FOCAD: variants seen among roughly 807,000 people sequenced by gnomAD.
FOCAD encodes focadhesin, also known as KIAA1797.
In FOCAD, 198 loss-of-function variants were observed where a neutral mutation model predicts 225.6. That is an observed-to-expected ratio of 0.88 (90% CI 0.78 to 0.99). The LOEUF is 0.99. Ranked by LOEUF, FOCAD falls within the 50% of genes least tolerant of loss-of-function variation. The pLI is 0.00. For missense variants in FOCAD, 2,713 were observed against 2,123.6 expected, an observed-to-expected ratio of 1.28 and a Z score of -5.46; for synonymous variants, 897 against 755.0, an observed-to-expected ratio of 1.19 and a Z score of -3.08.
At chr9:20,926,797 AG>A in intron 26 of FOCAD, among the ~76,000 whole-genome samples, 1 of 151,526 alleles carries the variant, frequency 6.6e-6, no homozygotes, top group African/African-American at 2.4e-5. Flanking sequence ...AAAAAAAAAA[AG>A]AAAAAGAAAA....
chr9:20,896,332 T>C (rs1832084835), intron 21 of FOCAD, among the ~76,000 whole-genome samples: 1 of 151,928 alleles, frequency 6.6e-6, no homozygotes, highest in Non-Finnish European at 1.5e-5. Flanking sequence ...TTCTTGTTAA[T>C]ACCTTTGTCT....
chr9:20,703,445 C>G (rs1196425081), intron 1 of FOCAD, among the ~76,000 whole-genome samples: 2 of 151,902 alleles, frequency 1.3e-5, no homozygotes, highest in Non-Finnish European at 2.9e-5. Context: ...CAGTGGGGAG[C>G]CATTGAAAAG....
intron 39 of FOCAD, among the ~76,000 whole-genome samples, chr9:20,985,098 G>A (rs886909815): frequency 6.6e-6 from 1 of 152,140 alleles, no homozygotes; most frequent in African/African-American, 2.4e-5. Context: ...CACCATGCCC[G>A]GCCAGCAACT....
intron 42 of FOCAD, among the ~76,000 whole-genome samples, chr9:20,992,330 T>C (rs1290832686): frequency 1.3e-5 from 2 of 152,214 alleles, no homozygotes; most frequent in Non-Finnish European, 2.9e-5. Context: ...CATTTCAATT[T>C]TCTGTTTCAT....
intron 15 of FOCAD, among the ~76,000 whole-genome samples, chr9:20,831,902 G>A (rs755138043): frequency 6.6e-6 from 1 of 151,924 alleles, no homozygotes. Context: ...TCTACTTTCC[G>A]TCTGCATAGA....
At chr9:20,722,881 C>A (rs1237892550) in intron 4 of FOCAD, among the ~76,000 whole-genome samples, 1 of 152,096 alleles carries the variant, frequency 6.6e-6, no homozygotes, top group South Asian at 2.1e-4. Context: ...CCTTAAAAAT[C>A]TGCAAATGTA....
intron 35 of FOCAD, among the ~76,000 whole-genome samples, chr9:20,958,834 G>C (rs1192026390): frequency 1.3e-5 from 2 of 152,042 alleles, no homozygotes; most frequent in Non-Finnish European, 2.9e-5. Context: ...ATAACGTCTT[G>C]CATTTCTATC....
Position 20,988,426 on chromosome 9 carries a change from C to CG in FOCAD, c.5001_5002insG (p.Lys1668GlufsTer19). ...CATCCTTTCACAATACGGCTCTTGA[C>CG]AAGGTAAAATCTAGAGGAGTAGTTT... is the stretch of plus-strand genomic sequence containing the variant. On this transcript the variant is annotated frameshift_variant, in exon 41 of 44. Transcript: ENST00000338382. LOFTEE classifies it high-confidence loss of function. The CG allele has an allele frequency of 6.3e-7, 1 of 1,576,002 alleles. No homozygotes were observed. Among genetic ancestry groups the CG allele is most frequent in the East Asian group, 2.3e-5 (1 of 44,256 alleles).
intron 15 of FOCAD, among the ~76,000 whole-genome samples, chr9:20,856,620 T>C (rs935930421): frequency 2.0e-5 from 3 of 152,100 alleles, no homozygotes; most frequent in African/African-American, 7.2e-5. Context: ...CCATTTTTGC[T>C]TTGATTGTCT....
At chr9:20,718,168 G>C (rs747829953) in intron 3 of FOCAD, among the ~76,000 whole-genome samples, 4 of 152,206 alleles carry the variant, frequency 2.6e-5, no homozygotes, top group African/African-American at 7.2e-5. Flanking sequence ...ATGCTTTAGA[G>C]AAGATTGATA....
At chr9:20,882,470 A>C (rs563039339) in intron 20 of FOCAD, among the ~76,000 whole-genome samples, 5 of 152,352 alleles carry the variant, frequency 3.3e-5, no homozygotes, top group African/African-American at 1.2e-4. Context: ...CTGAAAGGCA[A>C]AGTGAAATCC....
chr9:20,701,926 G>T (rs1823988353), intron 1 of FOCAD, among the ~76,000 whole-genome samples: 1 of 152,116 alleles, frequency 6.6e-6, no homozygotes, highest in African/African-American at 2.4e-5. Flanking sequence ...TTCATTTAAA[G>T]ATTTATTTGA....
intron 22 of FOCAD, among the ~76,000 whole-genome samples, chr9:20,910,361 T>G (rs1833339044): frequency 6.6e-6 from 1 of 152,034 alleles, no homozygotes; most frequent in South Asian, 2.1e-4. Flanking sequence ...GAAAGCAAAT[T>G]GACTGTAGAC....
At chr9:20,819,693 TC>T (rs1215768202) in intron 11 of FOCAD, 102 bp from the exon 12 acceptor site, 1 of 524,886 alleles carries the variant, frequency 1.9e-6, no homozygotes, top group Non-Finnish European at 3.2e-6. Context: ...TCCAATTCAT[TC>T]ATATTCATAT....
At chr9:20,837,850 C>T (rs1345301006) in intron 15 of FOCAD, among the ~76,000 whole-genome samples, 3 of 151,896 alleles carry the variant, frequency 2.0e-5, no homozygotes, top group East Asian at 1.9e-4. Flanking sequence ...CTTCTCCATG[C>T]GTAGGATAAA....
intron 10 of FOCAD, 122 bp from the exon 11 acceptor site, chr9:20,789,229 A>G (rs936405276): frequency 3.6e-6 from 4 of 1,109,998 alleles, no homozygotes; most frequent in East Asian, 2.4e-5. Flanking sequence ...CAGTAATTCA[A>G]TTTGTATTCA....
At chr9:20,792,494 T>A (rs1283488867) in intron 11 of FOCAD, among the ~76,000 whole-genome samples, 1 of 152,228 alleles carries the variant, frequency 6.6e-6, no homozygotes, top group East Asian at 1.9e-4. Flanking sequence ...TTTGACAAAT[T>A]GAGTTTTGCA....
chr9:20,764,639 G>T (rs990999741), intron 6 of FOCAD, among the ~76,000 whole-genome samples: 2 of 152,170 alleles, frequency 1.3e-5, no homozygotes, highest in African/African-American at 4.8e-5. Flanking sequence ...CTTCATCCTG[G>T]GCATCTAGCT....
chr9:20,697,945 T>G (rs1251465909), intron 1 of FOCAD, among the ~76,000 whole-genome samples: 1 of 152,258 alleles, frequency 6.6e-6, no homozygotes, highest in Non-Finnish European at 1.5e-5. Context: ...AGGACCATTA[T>G]AGCTTCTAAT....
Sources: gnomAD v4.1 joint callset for allele counts (sites outside exome capture counted in the v4.1 genomes callset) on GRCh38, gnomAD v4.1.1 for gene constraint, MANE v1.5 for transcripts, NCBI Gene and HGNC (gene_info 2026-07-23, HGNC 2026-07-21) for gene names.